PAK6: variants seen among roughly 807,000 people sequenced by gnomAD.
The protein encoded by PAK6 is p21 (RAC1) activated kinase 6, also known as serine/threonine-protein kinase PAK 6.
In PAK6, 33 loss-of-function variants were observed where a neutral mutation model predicts 60.8. That is an observed-to-expected ratio of 0.54 (90% CI 0.41 to 0.73). The LOEUF (loss-of-function observed/expected upper bound fraction) is 0.73. Ranked by LOEUF, PAK6 falls within the 30% of genes least tolerant of loss-of-function variation. The pLI is 0.00. For missense variants in PAK6, 845 were observed against 904.1 expected (o/e 0.93, Z 0.84); for synonymous variants, 404 against 378.5 (o/e 1.07, Z -0.78).
intron 5 of PAK6, among the ~76,000 whole-genome samples, chr15:40,267,403 G>A (rs1280529035): frequency 3.9e-5 from 6 of 152,296 alleles, no homozygotes; most frequent in African/African-American, 1.2e-4. Context: ...CACGTCTGTA[G>A]TCCCAGCACT....
At chr15:40,265,638 G>A (rs920398652) in intron 4 of PAK6, among the ~76,000 whole-genome samples, 2 of 152,184 alleles carry the variant, frequency 1.3e-5, no homozygotes, top group Admixed American at 6.5e-5. Context: ...CCTTCTCCCC[G>A]CATCCCTGCA....
chr15:40,255,921 G>C (rs1330068886), intron 3 of PAK6, among the ~76,000 whole-genome samples: 1 of 152,220 alleles, frequency 6.6e-6, no homozygotes, highest in Admixed American at 6.5e-5. Flanking sequence ...ATCTCTTCTG[G>C]CTGCAGAAGG....
chr15:40,266,430 T>C (rs773304292), exon 5 of PAK6: 1 of 1,613,132 alleles, frequency 6.2e-7, no homozygotes, highest in South Asian at 1.1e-5. Context: ...CCGAAGCATG[T>C]TCCTGTCCAC....
intron 2 of PAK6, 111 bp downstream of exon 2, chr15:40,240,792 G>A (rs1258001922): frequency 2.8e-5 from 10 of 355,580 alleles, no homozygotes; most frequent in Non-Finnish European, 5.6e-5. Context: ...CCACAGCTGT[G>A]GGTTCCTGGG....
At chr15:40,271,947 C>T (rs1245279219) in intron 5 of PAK6, among the ~76,000 whole-genome samples, 1 of 152,206 alleles carries the variant, frequency 6.6e-6, no homozygotes, top group Non-Finnish European at 1.5e-5. Context: ...CGGCGGGGAG[C>T]TGGCCTTCTC....
exon 6 of PAK6, chr15:40,272,652 G>A (rs771917144): frequency 3.9e-5 from 63 of 1,606,638 alleles, no homozygotes; most frequent in Admixed American, 3.3e-5. Flanking sequence ...AGAAGCACTC[G>A]GGCCGCCAGG....
chr15:40,270,567 G>A (rs1047757236), intron 5 of PAK6, among the ~76,000 whole-genome samples: 28 of 152,218 alleles, frequency 1.8e-4, no homozygotes, highest in African/African-American at 6.5e-4. Context: ...GGTCCTGACA[G>A]CCCAGTCCAG....
chr15:40,258,425 T>C (rs1346329834), intron 3 of PAK6: 2 of 152,292 alleles, frequency 1.3e-5, no homozygotes, highest in African/African-American at 2.4e-5. Context: ...AGGCAAGCTA[T>C]TGAACCTCTT....
At chr15:40,272,712 C>G (rs748728844) in exon 6 of PAK6, 12 of 1,588,512 alleles carry the variant, frequency 7.6e-6, no homozygotes, top group Non-Finnish European at 9.4e-6. Context: ...GGGAGCTGCT[C>G]TTCAACGAGG....
intron 10 of PAK6, 132 bp downstream of exon 10, chr15:40,274,408 TC>T: frequency 1.1e-5 from 11 of 986,618 alleles, no homozygotes; most frequent in Non-Finnish European, 1.5e-5. Flanking sequence ...GGCTCCTCTT[TC>T]CCCACACAAA....
Position 40,266,675 on chromosome 15 carries a change from T to TG in PAK6, c.858+180_858+181insG, listed in dbSNP as rs1033656703. The TG allele has an allele frequency of 7.8e-6, 4 of 514,588 alleles. No individual in the cohort carries two copies. In the Admixed American group the frequency reaches 1.1e-4, roughly 14 times the overall value. The allele number at this position is 514,588 out of a possible 1,614,324, so 31.9% of individuals were successfully genotyped here. ...GAGGGTGGCTCGCCTCCTCCTTCCC[T>TG]CCCTTCCTTTCCTTCTTTTCTCTGT... On this transcript the variant is annotated intron_variant, in intron 5 of 10. Transcript: ENST00000560346.
rs199772587 is a variant in PAK6 at position 40,252,649 on chromosome 15, T to G, written c.-117-529T>G. On this transcript the variant is annotated intron_variant, in intron 2 of 10. Transcript: ENST00000560346. ...CCCTCCCGCGGAGGGCGGGCCCGGC[T>G]CCCACGACCTCTTCGAGCGTTCCTG... The G allele has an allele frequency of 9.4e-4, 1,247 of 1,326,164 alleles. 14 individuals are homozygous for G. The African/African-American group carries it at 0.017, about 18-fold the overall frequency. 82.1% of individuals were successfully genotyped at this position (1,326,164 alleles called of 1,614,324 possible).
chr15:40,266,774 C>A, intron 5 of PAK6: 1 of 390,364 alleles, frequency 2.6e-6, no homozygotes, highest in Admixed American at 4.3e-5. Context: ...CTGGATTTGC[C>A]TAGTCCAGGG....
chr15:40,248,168 A>G (rs1169409001), intron 2 of PAK6, among the ~76,000 whole-genome samples: 2 of 152,184 alleles, frequency 1.3e-5, no homozygotes, highest in African/African-American at 4.8e-5. Flanking sequence ...GACTCCGTCA[A>G]CTTCCCTCCT....
At chr15:40,261,234 A>AT (rs944895037) in intron 3 of PAK6, among the ~76,000 whole-genome samples, 7 of 150,366 alleles carry the variant, frequency 4.7e-5, no homozygotes, top group East Asian at 4.1e-4. Context: ...AATCCAGTTG[A>AT]TTTTTTAAAA....
rs775743672 is a variant in PAK6 at position 40,272,962 on chromosome 15, C to T, written c.1453C>T (p.Gln485Ter). The change falls in exon 7 of 11, where the codon CAG becomes TAG. Residue 485 changes from glutamine to a stop codon, truncating the protein, a stop_gained. Transcript: ENST00000560346. LOFTEE classifies it high-confidence loss of function. ...GCTGTGGGTGCTCATGGAGTTCCTG[C>T]AGGGAGGAGCCCTCACAGACATCGT... is the stretch of plus-strand genomic sequence containing the variant. The T allele has an allele frequency of 1.9e-6, 3 of 1,613,984 alleles. No homozygotes were observed. Among genetic ancestry groups the T allele is most frequent in the Non-Finnish European group, 2.5e-6 (3 of 1,180,016 alleles).
chr15:40,256,327 C>T (rs577709556), intron 3 of PAK6, among the ~76,000 whole-genome samples: 11 of 152,292 alleles, frequency 7.2e-5, no homozygotes, highest in South Asian at 4.1e-4. Context: ...CTTCTGTTCG[C>T]GGTAATTCTC....
chr15:40,276,034 GCTAC>G lies in PAK6; in HGVS notation c.1989_1992del (p.Pro664SerfsTer6). 1.2e-6 allele frequency: 2 copies of G among 1,613,442 alleles called. No homozygotes were observed. The highest frequency in any genetic ancestry group is 1.1e-5 in the South Asian group (1 of 91,056). ...ACCACCCCTTCCTGCTGCAGACAGG[GCTAC>G]CTGAGTGCCTGGTGCCCCTGATCCA... On this transcript the variant is annotated frameshift_variant, in exon 11 of 11. Coordinates refer to ENST00000560346, the Ensembl canonical transcript of PAK6. LOFTEE classifies it high-confidence loss of function.
At chr15:40,248,634 G>C (rs1301623161) in intron 2 of PAK6, among the ~76,000 whole-genome samples, 3 of 152,248 alleles carry the variant, frequency 2.0e-5, no homozygotes, top group Non-Finnish European at 4.4e-5. Context: ...CTCAGTGACA[G>C]AGTGGGGGAA....
Sources: gnomAD v4.1 joint callset for allele counts (sites outside exome capture counted in the v4.1 genomes callset) on GRCh38, gnomAD v4.1.1 for gene constraint, MANE v1.5 for transcripts, NCBI Gene and HGNC (gene_info 2026-07-23, HGNC 2026-07-21) for gene names.